Variants in GRM7 observed in about 807,000 individuals in gnomAD.
GRM7 encodes the protein glutamate metabotropic receptor 7, also known as metabotropic glutamate receptor 7.
Under a neutral mutation model 84.5 loss-of-function variants are expected in GRM7, and 35 were observed. The ratio of observed to expected loss-of-function variants is 0.41; its 90% confidence interval spans 0.32 to 0.55. GRM7 has a LOEUF of 0.55. GRM7 is among the 20% of genes least tolerant of loss of function. The pLI is 0.19. For synonymous variants in GRM7, 487 were observed against 455.1 expected (o/e 1.07, Z -0.89); for missense variants, 1,003 against 1,194.6 (o/e 0.84, Z 2.36).
chr3:7,674,784 G>A (rs972805486), intron 8 of GRM7, among the ~76,000 whole-genome samples: 7 of 152,188 alleles, frequency 4.6e-5, no homozygotes, highest in Non-Finnish European at 8.8e-5. Context: ...CAGCACATAC[G>A]CCAGTCCAGG....
chr3:7,167,117 G>A (rs1385346460), intron 2 of GRM7, among the ~76,000 whole-genome samples: 1 of 152,170 alleles, frequency 6.6e-6, no homozygotes, highest in Non-Finnish European at 1.5e-5. Context: ...CCTTAACAAA[G>A]TGATTTTGTT....
intron 1 of GRM7, among the ~76,000 whole-genome samples, chr3:6,970,999 C>CAAAG (rs1157972657): frequency 6.6e-6 from 1 of 151,570 alleles, no homozygotes; most frequent in Non-Finnish European, 1.5e-5. Flanking sequence ...AACAAACAAA[C>CAAAG]AAACAAACAA....
chr3:7,044,612 A>G (rs1696735485), intron 1 of GRM7, among the ~76,000 whole-genome samples: 1 of 152,206 alleles, frequency 6.6e-6, no homozygotes, highest in Admixed American at 6.5e-5. Flanking sequence ...CCAAATGATC[A>G]TATTTTCAAT....
At chr3:7,729,921 C>CTGGA (rs1243720189) in intron 9 of GRM7, among the ~76,000 whole-genome samples, 4 of 127,206 alleles carry the variant, frequency 3.1e-5, no homozygotes, top group African/African-American at 1.2e-4. Context: ...GTCGCCCAGG[C>CTGGA]TGGAGTACAG....
At chr3:6,947,791 AT>A (rs1458474525) in intron 1 of GRM7, among the ~76,000 whole-genome samples, 3 of 152,126 alleles carry the variant, frequency 2.0e-5, no homozygotes. Context: ...GGGAGAGTGT[AT>A]GTGTCGAGGA....
chr3:7,461,034 T>C (rs2124907197), intron 6 of GRM7, among the ~76,000 whole-genome samples: 1 of 152,276 alleles, frequency 6.6e-6, no homozygotes, highest in Non-Finnish European at 1.5e-5. Flanking sequence ...ACCTTTTACC[T>C]GCTTATGATA....
intron 7 of GRM7, among the ~76,000 whole-genome samples, chr3:7,474,197 G>C (rs569046923): frequency 6.9e-4 from 105 of 152,218 alleles, no homozygotes; most frequent in African/African-American, 2.5e-3. Flanking sequence ...ATATACTGTT[G>C]TTGCTTAAGC....
chr3:7,309,546 A>G (rs956627690), intron 4 of GRM7, among the ~76,000 whole-genome samples: 6 of 152,174 alleles, frequency 3.9e-5, no homozygotes, highest in Non-Finnish European at 8.8e-5. Flanking sequence ...AAAGCCAATC[A>G]GTAATCTACC....
intron 8 of GRM7, among the ~76,000 whole-genome samples, chr3:7,593,825 G>A (rs144590629): frequency 6.6e-6 from 1 of 152,094 alleles, no homozygotes; most frequent in African/African-American, 2.4e-5. Flanking sequence ...TGGACTGTTG[G>A]TAAGAAGAAA....
At chr3:7,620,076 G>C (rs1697284672) in intron 8 of GRM7, among the ~76,000 whole-genome samples, 2 of 152,100 alleles carry the variant, frequency 1.3e-5, no homozygotes, top group Non-Finnish European at 2.9e-5. Context: ...GGGGAACGCT[G>C]AGTATTCACC....
At chr3:7,525,178 A>G (rs1445127306) in intron 7 of GRM7, among the ~76,000 whole-genome samples, 2 of 151,842 alleles carry the variant, frequency 1.3e-5, no homozygotes, top group Non-Finnish European at 2.9e-5. Context: ...TGACGAGTTA[A>G]TGGGTGCAGC....
Position 7,310,856 on chromosome 3 carries a change from ACT to A in GRM7, c.1033+4209_1033+4210del, listed in dbSNP as rs971916592. Among the ~76,000 whole-genome samples, 373 of 151,536 alleles carry A rather than the reference ACT, an allele frequency of 2.5e-3. 1 individual carries two copies. The highest frequency in any genetic ancestry group is 8.6e-3 in the African/African-American group (352 of 41,168). ...AGTGCCATTTAGCCTACATCATTCC[ACT>A]CTCTTTTTTCTCTCTTCCCTTATCC... On this transcript the variant is annotated intron_variant, in intron 4 of 9. Coordinates refer to ENST00000357716, the MANE Select transcript of GRM7 (RefSeq NM_000844.4).
chr3:6,972,788 C>A (rs1269645243), intron 1 of GRM7, among the ~76,000 whole-genome samples: 1 of 152,100 alleles, frequency 6.6e-6, no homozygotes, highest in African/African-American at 2.4e-5. Flanking sequence ...CAGTTATGGG[C>A]CCCCAAAATA....
chr3:7,575,680 T>C (rs1219984634), intron 7 of GRM7, among the ~76,000 whole-genome samples: 1 of 152,218 alleles, frequency 6.6e-6, no homozygotes, highest in African/African-American at 2.4e-5. Flanking sequence ...ATGATTTTTG[T>C]TAGCAAAAGG....
At chr3:7,371,609 G>A (rs961858372) in intron 4 of GRM7, among the ~76,000 whole-genome samples, 5 of 152,074 alleles carry the variant, frequency 3.3e-5, no homozygotes. Context: ...ATTTAATTCT[G>A]AGCAATGCAC....
chr3:7,679,318 G>A (rs1250223523), intron 8 of GRM7, among the ~76,000 whole-genome samples: 1 of 151,930 alleles, frequency 6.6e-6, no homozygotes, highest in Non-Finnish European at 1.5e-5. Flanking sequence ...CAGGGGGTCA[G>A]GGAGTTGGGA....
At chr3:7,175,042 G>A (rs1363099986) in intron 2 of GRM7, among the ~76,000 whole-genome samples, 1 of 152,190 alleles carries the variant, frequency 6.6e-6, no homozygotes, top group Non-Finnish European at 1.5e-5. Flanking sequence ...GCGAGATCAG[G>A]CCCAAACTCC....
At chr3:7,666,734 G>T (rs942077497) in intron 8 of GRM7, among the ~76,000 whole-genome samples, 3 of 151,712 alleles carry the variant, frequency 2.0e-5, no homozygotes, top group African/African-American at 7.3e-5. Flanking sequence ...AAATATTACC[G>T]GTATTATTAA....
intron 2 of GRM7, among the ~76,000 whole-genome samples, chr3:7,229,759 A>ATATATT (rs1434216248): frequency 3.9e-4 from 12 of 30,400 alleles, no homozygotes; most frequent in African/African-American, 8.8e-4. Context: ...ATATATATAT[A>ATATATT]TTTTTTTTTT....
Sources: allele counts gnomAD v4.1 joint callset (sites outside exome capture counted in the v4.1 genomes callset), GRCh38; gene constraint gnomAD v4.1.1; transcripts MANE v1.5; gene names NCBI Gene and HGNC (gene_info 2026-07-23, HGNC 2026-07-21).